FHIT: variants seen among roughly 807,000 people sequenced by gnomAD.
The protein encoded by FHIT is bis(5'-adenosyl)-triphosphatase.
Under a neutral mutation model 17.9 loss-of-function variants are expected in FHIT, and 19 were observed. That is an observed-to-expected ratio of 1.06 (90% CI 0.74 to 1.56). The LOEUF is 1.56. Among genes scored for constraint, FHIT ranks in the 40% most tolerant of loss-of-function variants. The probability of loss-of-function intolerance (pLI) is 0.00; values close to 1 mark genes in which losing one functional copy is unlikely to be tolerated. For missense variants in FHIT, 248 were observed against 189.2 expected, an observed-to-expected ratio of 1.31 and a Z score of -1.82; for synonymous variants, 81 against 69.7, an observed-to-expected ratio of 1.16 and a Z score of -0.81.
chr3:60,643,012 A>G (rs1006214029), intron 4 of FHIT, among the ~76,000 whole-genome samples: 2 of 152,126 alleles, frequency 1.3e-5, no homozygotes, highest in South Asian at 2.1e-4. Context: ...GCTGTTTGAT[A>G]TTGTCTATCT....
chr3:60,205,893 G>A (rs980895661), intron 5 of FHIT, among the ~76,000 whole-genome samples: 3 of 151,718 alleles, frequency 2.0e-5, no homozygotes, highest in Non-Finnish European at 4.4e-5. Context: ...CAGATCATGA[G>A]GTCAGGTGAT....
intron 5 of FHIT, among the ~76,000 whole-genome samples, chr3:60,125,374 G>A (rs1230542093): frequency 1.3e-5 from 2 of 152,192 alleles, no homozygotes; most frequent in African/African-American, 2.4e-5. Flanking sequence ...GCTTACGCCT[G>A]TAATTCCAGC....
chr3:60,660,727 C>CTTTTTTTTTTTTTTT (rs1220817643), intron 4 of FHIT, among the ~76,000 whole-genome samples: 15 of 16,758 alleles, frequency 9.0e-4, no homozygotes, highest in African/African-American at 1.1e-3. Context: ...TTTTATTGTG[C>CTTTTTTTTTTTTTTT]TCTTTTTTTT....
At chr3:60,372,799 T>C (rs1003646863) in intron 5 of FHIT, among the ~76,000 whole-genome samples, 4 of 152,132 alleles carry the variant, frequency 2.6e-5, no homozygotes, top group Admixed American at 2.0e-4. Context: ...TTAAAATGTA[T>C]TTGGAGGCTG....
intron 5 of FHIT, chr3:60,077,559 G>C (rs1703068446): frequency 6.6e-6 from 1 of 151,690 alleles, no homozygotes; most frequent in African/African-American, 2.4e-5. Context: ...CAAAATTGTG[G>C]GGACAGGTCA....
intron 5 of FHIT, among the ~76,000 whole-genome samples, chr3:60,460,382 A>G (rs1270632324): frequency 6.6e-6 from 1 of 152,228 alleles, no homozygotes; most frequent in African/African-American, 2.4e-5. Context: ...AAGGGAAATA[A>G]CACCTTTTTT....
At chr3:60,888,270 G>T (rs1292921908) in intron 3 of FHIT, among the ~76,000 whole-genome samples, 2 of 152,134 alleles carry the variant, frequency 1.3e-5, no homozygotes, top group Non-Finnish European at 2.9e-5. Flanking sequence ...AATGCCTAAG[G>T]TTTATTGTTT....
intron 5 of FHIT, among the ~76,000 whole-genome samples, chr3:60,095,297 T>TA (rs1303193571): frequency 1.3e-5 from 2 of 152,310 alleles, no homozygotes; most frequent in East Asian, 1.9e-4. Context: ...GTGGAATGTT[T>TA]AAAGATCTGT....
At chr3:60,372,543 T>G (rs1373635604) in intron 5 of FHIT, among the ~76,000 whole-genome samples, 1 of 152,194 alleles carries the variant, frequency 6.6e-6, no homozygotes, top group African/African-American at 2.4e-5. Context: ...ACTTGGATTT[T>G]AAATTATTGG....
intron 5 of FHIT, among the ~76,000 whole-genome samples, chr3:60,455,388 A>G (rs1279681385): frequency 6.6e-6 from 1 of 152,160 alleles, no homozygotes; most frequent in African/African-American, 2.4e-5. Context: ...GGCCATTTAC[A>G]AGGTGACTGA....
chr3:60,244,113 C>G (rs978761963), intron 5 of FHIT, among the ~76,000 whole-genome samples: 1 of 152,024 alleles, frequency 6.6e-6, no homozygotes, highest in African/African-American at 2.4e-5. Flanking sequence ...AGTGGCTTTT[C>G]TGATCACAGC....
chr3:60,447,716 G>T (rs903059614), intron 5 of FHIT, among the ~76,000 whole-genome samples: 3 of 152,126 alleles, frequency 2.0e-5, no homozygotes, highest in Admixed American at 6.6e-5. Context: ...GCAAGATGGA[G>T]AATGTTGCTG....
At chr3:59,771,386 A>G (rs1434327120) in intron 8 of FHIT, among the ~76,000 whole-genome samples, 4 of 152,198 alleles carry the variant, frequency 2.6e-5, no homozygotes, top group Non-Finnish European at 5.9e-5. Context: ...ATAATTTTTA[A>G]AAAAGACAAT....
chr3:60,333,643 A>G (rs566865869), intron 5 of FHIT, among the ~76,000 whole-genome samples: 25 of 152,360 alleles, frequency 1.6e-4, no homozygotes, highest in Admixed American at 1.4e-3. Context: ...TACTTTTAAA[A>G]TATCTGTATT....
At chr3:59,890,098 G>C (rs1703791210) in intron 8 of FHIT, among the ~76,000 whole-genome samples, 1 of 152,178 alleles carries the variant, frequency 6.6e-6, no homozygotes, top group South Asian at 2.1e-4. Context: ...AGGATATAGA[G>C]ATGGGATGAT....
intron 2 of FHIT, among the ~76,000 whole-genome samples, chr3:61,157,615 A>T (rs1342637806): frequency 6.6e-6 from 1 of 152,158 alleles, no homozygotes; most frequent in Non-Finnish European, 1.5e-5. Flanking sequence ...TCTGAGAAAG[A>T]CAGTGATAGT....
chr3:60,947,170 A>G (rs1370600516), intron 3 of FHIT, among the ~76,000 whole-genome samples: 2 of 152,176 alleles, frequency 1.3e-5, no homozygotes, highest in East Asian at 3.9e-4. Context: ...CTAATAGCAC[A>G]ATAGCATCAG....
intron 4 of FHIT, among the ~76,000 whole-genome samples, chr3:60,597,881 T>C (rs140137156): frequency 3.2e-4 from 49 of 152,254 alleles, no homozygotes; most frequent in South Asian, 8.3e-4. Context: ...CTCTGTCTAG[T>C]AAGTTAGAGG....
At chr3:60,028,025 T>C in intron 5 of FHIT, among the ~76,000 whole-genome samples, 1 of 152,180 alleles carries the variant, frequency 6.6e-6, no homozygotes, top group Non-Finnish European at 1.5e-5. Context: ...CTGTAGCTAG[T>C]AATCACTTGT....
Sources: allele counts gnomAD v4.1 joint callset (sites outside exome capture counted in the v4.1 genomes callset), GRCh38; gene constraint gnomAD v4.1.1; transcripts MANE v1.5; gene names NCBI Gene and HGNC (gene_info 2026-07-23, HGNC 2026-07-21).